LRP1B: variants seen among roughly 807,000 people sequenced by gnomAD.
LRP1B encodes low-density lipoprotein receptor-related protein 1B.
A neutral mutation model predicts 556.6 loss-of-function variants in LRP1B; 217 were observed. That is an observed-to-expected ratio of 0.39 (90% CI 0.35 to 0.44). The LOEUF is 0.44. LRP1B is among the 20% of genes least tolerant of loss of function. The probability of loss-of-function intolerance (pLI) is 1.00; values close to 1 mark genes in which losing one functional copy is unlikely to be tolerated. For synonymous variants in LRP1B, 2,047 were observed against 1,865.8 expected, an observed-to-expected ratio of 1.10 and a Z score of -2.50; for missense variants, 5,053 against 5,620.8, an observed-to-expected ratio of 0.90 and a Z score of 3.23.
At chr2:141,065,001 T>C (rs1699439367) in intron 7 of LRP1B, among the ~76,000 whole-genome samples, 1 of 151,944 alleles carries the variant, frequency 6.6e-6, no homozygotes, top group Admixed American at 6.6e-5. Flanking sequence ...TACCAGATAA[T>C]TTGTATTTTA....
chr2:141,197,620 G>T (rs1472621645), intron 6 of LRP1B, among the ~76,000 whole-genome samples: 3 of 152,112 alleles, frequency 2.0e-5, no homozygotes, highest in Non-Finnish European at 4.4e-5. Flanking sequence ...TGTCTATTCA[G>T]TATTTGAAAA....
chr2:140,315,222 G>C (rs181406245), intron 82 of LRP1B, 123 bp from the exon 83 acceptor site: 10 of 612,244 alleles, frequency 1.6e-5, no homozygotes, highest in Admixed American at 3.7e-5. Context: ...TTAACCCCAA[G>C]TACAAAAGAA....
intron 3 of LRP1B, among the ~76,000 whole-genome samples, chr2:141,356,796 G>C (rs1226878539): frequency 6.6e-6 from 1 of 152,026 alleles, no homozygotes; most frequent in Non-Finnish European, 1.5e-5. Flanking sequence ...ATAGCCAAAG[G>C]TATAGGCAGT....
intron 3 of LRP1B, among the ~76,000 whole-genome samples, chr2:141,318,358 T>A (rs1341876986): frequency 6.6e-6 from 1 of 152,154 alleles, no homozygotes; most frequent in African/African-American, 2.4e-5. Flanking sequence ...AGCTTATTTG[T>A]ATGGATTAAA....
chr2:140,313,143 T>C (rs1423845413), intron 83 of LRP1B, among the ~76,000 whole-genome samples: 1 of 151,948 alleles, frequency 6.6e-6, no homozygotes, highest in East Asian at 1.9e-4. Flanking sequence ...TGAAAAATGC[T>C]TTTTAAGTGA....
intron 66 of LRP1B, among the ~76,000 whole-genome samples, chr2:140,414,795 C>A (rs984402360): frequency 1.3e-5 from 2 of 151,968 alleles, no homozygotes; most frequent in Admixed American, 1.3e-4. Context: ...AATCAGTGCA[C>A]CTTGAAAAAG....
At chr2:141,227,251 T>C (rs1179950841) in intron 6 of LRP1B, among the ~76,000 whole-genome samples, 2 of 152,186 alleles carry the variant, frequency 1.3e-5, no homozygotes, top group Admixed American at 6.6e-5. Flanking sequence ...TAAAAAGTTC[T>C]TAAGTACGCT....
intron 84 of LRP1B, among the ~76,000 whole-genome samples, chr2:140,278,874 T>C (rs1682799734): frequency 6.6e-6 from 1 of 151,918 alleles, no homozygotes; most frequent in South Asian, 2.1e-4. Flanking sequence ...AAAGAGTTGC[T>C]CACTACACTC....
chr2:141,124,644 G>C (rs74858547), intron 7 of LRP1B, among the ~76,000 whole-genome samples: 6,116 of 130,274 alleles, frequency 0.047, 296 homozygotes, highest in African/African-American at 0.14. Flanking sequence ...GTACATCATT[G>C]AAGAGATGGA....
chr2:140,413,687 T>G (rs1020517296), intron 66 of LRP1B, among the ~76,000 whole-genome samples: 1 of 152,166 alleles, frequency 6.6e-6, no homozygotes, highest in Admixed American at 6.5e-5. Flanking sequence ...CATCTAGCTA[T>G]CATATCATTT....
intron 2 of LRP1B, among the ~76,000 whole-genome samples, chr2:141,503,483 C>T (rs996819173): frequency 2.0e-5 from 3 of 151,748 alleles, no homozygotes; most frequent in South Asian, 2.1e-4. Context: ...TTACATTATA[C>T]GTAGCCAAAA....
At chr2:140,678,068 A>G (rs895127861) in intron 41 of LRP1B, among the ~76,000 whole-genome samples, 2 of 152,120 alleles carry the variant, frequency 1.3e-5, no homozygotes, top group African/African-American at 2.4e-5. Flanking sequence ...CAGAGCCACA[A>G]TTTGAACCCA....
At chr2:141,907,078 A>G (rs1164988382) in intron 1 of LRP1B, among the ~76,000 whole-genome samples, 1 of 152,048 alleles carries the variant, frequency 6.6e-6, no homozygotes, top group Non-Finnish European at 1.5e-5. Context: ...AATCAATACA[A>G]TCAAATGTAT....
chr2:140,592,392 G>T (rs1682262303), intron 43 of LRP1B, among the ~76,000 whole-genome samples: 1 of 151,562 alleles, frequency 6.6e-6, no homozygotes, highest in Non-Finnish European at 1.5e-5. Flanking sequence ...AAGGTTTTCA[G>T]TTCATTGAAA....
At chr2:141,807,295 T>C (rs1400969601) in intron 2 of LRP1B, among the ~76,000 whole-genome samples, 1 of 152,054 alleles carries the variant, frequency 6.6e-6, no homozygotes, top group Non-Finnish European at 1.5e-5. Context: ...ATGTCCAAAT[T>C]TCAATTGGTA....
chr2:141,457,653 G>T (rs1402148608), intron 3 of LRP1B, among the ~76,000 whole-genome samples: 2 of 1,946 alleles, frequency 1.0e-3, no homozygotes, highest in African/African-American at 1.6e-3. Context: ...ACATGTCTGT[G>T]GGGGCACCTA....
At chr2:141,914,720 G>A (rs890450843) in intron 1 of LRP1B, among the ~76,000 whole-genome samples, 1 of 151,962 alleles carries the variant, frequency 6.6e-6, no homozygotes, top group Non-Finnish European at 1.5e-5. Flanking sequence ...CATTCAAACC[G>A]AGAGCCAAAT....
chr2:141,977,885 A>C (rs1201572235), intron 1 of LRP1B, among the ~76,000 whole-genome samples: 3 of 152,164 alleles, frequency 2.0e-5, no homozygotes, highest in African/African-American at 4.8e-5. Flanking sequence ...CCTAACTTAA[A>C]ATATCCATTA....
intron 49 of LRP1B, among the ~76,000 whole-genome samples, chr2:140,525,114 A>G (rs926629503): frequency 1.3e-5 from 2 of 151,884 alleles, no homozygotes; most frequent in African/African-American, 4.8e-5. Context: ...ATTATTATAT[A>G]TCAACTAAAC....
Sources: allele counts gnomAD v4.1 joint callset (sites outside exome capture counted in the v4.1 genomes callset), GRCh38; gene constraint gnomAD v4.1.1; transcripts MANE v1.5; gene names NCBI Gene and HGNC (gene_info 2026-07-23, HGNC 2026-07-21).